VRK3: variants seen among roughly 807,000 people sequenced by gnomAD.
VRK3 encodes VRK serine/threonine kinase 3, also known as serine/threonine-protein kinase VRK3.
VRK3 carries 50 observed loss-of-function variants against 60.4 expected under a neutral mutation model. The ratio of observed to expected loss-of-function variants is 0.83; its 90% CI spans 0.66 to 1.05. The LOEUF is 1.05. VRK3 is among the 50% of genes least tolerant of loss of function. VRK3 has a pLI of 0.00. For synonymous variants in VRK3, 246 were observed against 227.8 expected, an observed-to-expected ratio of 1.08 and a Z score of -0.72; for missense variants, 549 against 585.3, an observed-to-expected ratio of 0.94 and a Z score of 0.64.
chr19:49,987,961 C>CA (rs1360211906), intron 12 of VRK3: 2 of 157,600 alleles, frequency 1.3e-5, no homozygotes, highest in African/African-American at 4.8e-5. Flanking sequence ...CTCTGCCTCC[C>CA]AAAGTGCTGG....
At position 49,984,431 on chromosome 19, in the gene VRK3, G is replaced by A. The variant is rs773531119; in HGVS notation, c.1218-3418C>T. 5.9e-5 allele frequency among the ~76,000 whole-genome samples: 9 copies of A among 152,074 alleles called. No homozygotes were observed. The East Asian group carries it at 9.6e-4, about 16-fold the overall frequency. Reference sequence around the variant, plus strand: ...GTGAGGGTTTCCAGGAGCCGGTGGCGGGGTCCTGTGCCTCCCCTCTGCTCC... The same window carrying A: ...GTGAGGGTTTCCAGGAGCCGGTGGCAGGGTCCTGTGCCTCCCCTCTGCTCC... On this transcript the variant is annotated intron_variant, in intron 12 of 14. Coordinates refer to ENST00000316763, the MANE Select transcript of VRK3 (RefSeq NM_016440.4).
intron 3 of VRK3, 123 bp downstream of exon 3, chr19:50,015,901 C>T: frequency 1.5e-6 from 2 of 1,363,474 alleles, no homozygotes; most frequent in East Asian, 2.3e-5. Context: ...AGTCCTGAGG[C>T]CTGGGCTTCT....
chr19:50,023,946 T>C (rs995266855), intron 1 of VRK3, among the ~76,000 whole-genome samples: 2 of 152,158 alleles, frequency 1.3e-5, no homozygotes, highest in African/African-American at 2.4e-5. Context: ...CTGCCATGTA[T>C]TGCATGATGG....
At chr19:50,005,762 C>A (rs147271862) in intron 5 of VRK3, among the ~76,000 whole-genome samples, 1 of 149,648 alleles carries the variant, frequency 6.7e-6, no homozygotes, top group South Asian at 2.1e-4. Flanking sequence ...TGAGGGATGC[C>A]AGACACAAGA....
At chr19:49,988,633 C>A in intron 11 of VRK3, 141 bp from the exon 12 acceptor site, 1 of 1,169,662 alleles carries the variant, frequency 8.5e-7, no homozygotes, top group South Asian at 1.6e-5. Flanking sequence ...GGGCTGTCTC[C>A]TCCGCTCATT....
At position 49,994,874 on chromosome 19, in the gene VRK3, C is replaced by T. The variant is rs371995691; in HGVS notation, c.810G>A (p.Leu270=). The change falls in exon 9 of 15, where the codon CTG becomes CTA. Residue 270 remains leucine (L), a synonymous_variant. Transcript: ENST00000316763. Reference sequence around the variant, plus strand: ...ACAGCACATGCTTTGGGCTGACATCCAGGGCCGACTGAAGGCTCCTCCCCA... The same window carrying T: ...ACAGCACATGCTTTGGGCTGACATCTAGGGCCGACTGAAGGCTCCTCCCCA... The part of the protein sequence containing the change: ...PSLGRSLQSA[L]DVSPKHVLSE... 6.8e-6 allele frequency: 11 copies of T among 1,614,184 alleles called. No individual in the cohort carries two copies. Among genetic ancestry groups the T allele is most frequent in the Non-Finnish European group, 8.5e-6 (10 of 1,180,042 alleles).
intron 1 of VRK3, among the ~76,000 whole-genome samples, chr19:50,024,670 G>A (rs566557824): frequency 1.3e-5 from 2 of 152,302 alleles, no homozygotes; most frequent in African/African-American, 4.8e-5. Context: ...TGTAATATCG[G>A]TTGCACGGAG....
chr19:50,007,518 G>T, intron 5 of VRK3, 51 bp downstream of exon 5: 1 of 1,606,222 alleles, frequency 6.2e-7, no homozygotes, highest in Non-Finnish European at 8.5e-7. Flanking sequence ...CCCTCCCACT[G>T]TCCTGGTGCT....
In VRK3 at chr19:50,012,853, C is replaced by T. The variant is rs548824339; in HGVS notation, c.139+3171G>A. Among the ~76,000 whole-genome samples, 423 of 151,134 alleles carry T rather than the reference C, an allele frequency of 2.8e-3. 3 individuals carry two copies. The highest frequency in any genetic ancestry group is 9.8e-3 in the African/African-American group (403 of 41,118). The stretch of plus-strand genomic sequence containing the variant: ...TCGTGCCACTGCACTCTAGCCTGGG[C>T]GACAGAGCAAGACTCTGTCTTAAAA... On this transcript the variant is annotated intron_variant, in intron 3 of 14. Transcript: ENST00000316763.
intron 5 of VRK3, among the ~76,000 whole-genome samples, chr19:50,002,109 T>A (rs1365541788): frequency 1.3e-5 from 2 of 152,086 alleles, no homozygotes; most frequent in East Asian, 3.9e-4. Flanking sequence ...CCAAAGCCCA[T>A]GAGTTGAGCT....
At chr19:50,010,489 A>G (rs893028290) in intron 3 of VRK3, among the ~76,000 whole-genome samples, 2 of 152,224 alleles carry the variant, frequency 1.3e-5, no homozygotes, top group African/African-American at 4.8e-5. Context: ...AGATTTGTTT[A>G]TATCAGGCAG....
In VRK3 at chr19:50,010,071, CACAT is replaced by C. The variant is rs200813826; in HGVS notation, c.140-690_140-687del. 7.9e-3 allele frequency among the ~76,000 whole-genome samples: 1,207 copies of C among 151,854 alleles called. 5 individuals carry two copies. Among genetic ancestry groups the C allele is most frequent in the Middle Eastern group, 0.031 (9 of 294 alleles). On this transcript the variant is annotated intron_variant, in intron 3 of 14. Coordinates refer to ENST00000316763, the MANE Select transcript of VRK3 (RefSeq NM_016440.4). ...TTTTATATATATATACACACACACA[CACAT>C]ATACACACATACAATGATTGTGTGT... is the stretch of plus-strand genomic sequence containing the variant.
At chr19:49,986,481 C>T (rs891400502) in intron 12 of VRK3, 1 of 153,114 alleles carries the variant, frequency 6.5e-6, no homozygotes, top group Non-Finnish European at 1.5e-5. Flanking sequence ...CAGAGTGGAA[C>T]ATCACTTACG....
At chr19:50,022,631 T>C (rs1030583867) in intron 1 of VRK3, among the ~76,000 whole-genome samples, 10 of 146,872 alleles carry the variant, frequency 6.8e-5, no homozygotes, top group African/African-American at 2.6e-4. Context: ...ACTAAAAAAG[T>C]ACAAAAAAAA....
intron 5 of VRK3, among the ~76,000 whole-genome samples, 197 bp downstream of exon 5, chr19:50,007,372 G>A (rs1018672698): frequency 1.3e-5 from 2 of 152,162 alleles, no homozygotes; most frequent in Admixed American, 6.5e-5. Flanking sequence ...CCTTACTCCA[G>A]CCTGCTGCAC....
chr19:49,985,530 C>G (rs2076498130), intron 12 of VRK3, among the ~76,000 whole-genome samples: 1 of 152,192 alleles, frequency 6.6e-6, no homozygotes, highest in African/African-American at 2.4e-5. Flanking sequence ...CGCTGCGAGA[C>G]CTGCCCCTGA....
At chr19:50,010,403 C>A (rs2076974947) in intron 3 of VRK3, among the ~76,000 whole-genome samples, 1 of 152,214 alleles carries the variant, frequency 6.6e-6, no homozygotes, top group Admixed American at 6.5e-5. Flanking sequence ...TCAACAGAGA[C>A]TGGTACTCAT....
intron 3 of VRK3, chr19:50,015,727 T>C (rs1300985133): frequency 7.8e-6 from 3 of 384,114 alleles, no homozygotes; most frequent in South Asian, 5.2e-5. Context: ...TAAGGGATAC[T>C]CAACCTGCAG....
intron 14 of VRK3, among the ~76,000 whole-genome samples, chr19:49,977,605 G>C (rs1432659702): frequency 2.0e-5 from 3 of 152,082 alleles, no homozygotes; most frequent in Non-Finnish European, 2.9e-5. Flanking sequence ...CCCTGCCCTG[G>C]AGGAGCTGGC....
Sources: gnomAD v4.1 joint callset for allele counts (sites outside exome capture counted in the v4.1 genomes callset) on GRCh38, gnomAD v4.1.1 for gene constraint, MANE v1.5 for transcripts, NCBI Gene and HGNC (gene_info 2026-07-23, HGNC 2026-07-21) for gene names.